GBP5: variants seen among roughly 807,000 people sequenced by gnomAD.
GBP5 encodes guanylate-binding protein 5.
In GBP5, 48 loss-of-function variants were observed where a neutral mutation model predicts 58.2. The ratio of observed to expected loss-of-function variants is 0.83; its 90% CI spans 0.65 to 1.05. GBP5 has a LOEUF of 1.05. Among genes scored for constraint, GBP5 ranks in the 50% least tolerant of loss-of-function variants. The probability of loss-of-function intolerance (pLI) is 0.00; values close to 1 mark genes in which losing one functional copy is unlikely to be tolerated. For missense variants in GBP5, 714 were observed against 686.8 expected, an observed-to-expected ratio of 1.04 and a Z score of -0.44; for synonymous variants, 248 against 251.8, an observed-to-expected ratio of 0.98 and a Z score of 0.14.
chr1:89,272,276 G>C (rs1489983931), intron 1 of GBP5, 176 bp downstream of exon 1: 1 of 152,202 alleles, frequency 6.6e-6, no homozygotes, highest in Non-Finnish European at 1.5e-5. Flanking sequence ...AATTCAGCAA[G>C]AGGCAGACAC....
intron 1 of GBP5, chr1:89,271,364 A>C (rs1258092881): frequency 6.6e-6 from 1 of 152,194 alleles, no homozygotes; most frequent in African/African-American, 2.4e-5. Flanking sequence ...CTTGTTTTCT[A>C]AAAAAGCAAA....
In GBP5 at chr1:89,267,693, A is replaced by G. The variant is rs368141048; in HGVS notation, c.319-167T>C. On this transcript the variant is annotated intron_variant, in intron 4 of 11. Transcript: ENST00000370459. ...AACATTGATAATTTTATACTCATCC[A>G]TATCTTATTAACTCACCAGTCCCTC... is the stretch of plus-strand genomic sequence containing the variant. Among the ~76,000 whole-genome samples, 12 of 152,336 alleles carry G rather than the reference A, an allele frequency of 7.9e-5. 1 individual carries two copies. Among genetic ancestry groups the G allele is most frequent in the Admixed American group, 2.0e-4 (3 of 15,304 alleles).
intron 7 of GBP5, 62 bp downstream of exon 7, chr1:89,266,284 T>C: frequency 7.2e-7 from 1 of 1,391,950 alleles, no homozygotes; most frequent in East Asian, 2.3e-5. Context: ...AGGATAATCT[T>C]ATAAAAAGTG....
At position 89,258,664 on chromosome 1, in the gene GBP5, G is replaced by A. The variant is rs1248007618; in HGVS notation, c.*2040C>T. 2.6e-5 allele frequency among the ~76,000 whole-genome samples: 4 copies of A among 151,830 alleles called. No individual in the cohort carries two copies. The highest frequency in any genetic ancestry group is 9.7e-5 in the African/African-American group (4 of 41,318). ...CTGTATATAAGTAAATCATATTTTG[G>A]GTGACTAAAAAAATTCAAGCTCCTA... On this transcript the variant is annotated 3_prime_UTR_variant, in exon 12 of 12. Coordinates refer to ENST00000370459, the MANE Select transcript of GBP5 (RefSeq NM_052942.5).
chr1:89,266,652 T>G (rs987455309), intron 6 of GBP5, 64 bp from the exon 7 acceptor site: 1 of 1,405,974 alleles, frequency 7.1e-7, no homozygotes, highest in Non-Finnish European at 9.8e-7. Context: ...TTATTTACCT[T>G]GAATAAATGT....
At position 89,269,566 on chromosome 1, in the gene GBP5, T is replaced by A. The variant is rs1650364662; in HGVS notation, c.-11A>T. On this transcript the variant is annotated 5_prime_UTR_variant, in exon 3 of 12. Transcript: ENST00000370459. ...GATCTCTAAAGCCATGTCTAGGATG[T>A]TACTTTGCCTGCAAGGGAACAGATG... is the stretch of plus-strand genomic sequence containing the variant. 1 of 1,602,310 alleles carries A rather than the reference T, an allele frequency of 6.2e-7. No individual in the cohort carries two copies. The highest frequency in any genetic ancestry group is 1.1e-5 in the South Asian group (1 of 90,692).
At chr1:89,266,693 A>G (rs1316732382) in intron 6 of GBP5, 105 bp from the exon 7 acceptor site, 1 of 1,119,972 alleles carries the variant, frequency 8.9e-7, no homozygotes, top group African/African-American at 1.6e-5. Flanking sequence ...AGATTAATAT[A>G]TCTTCATAAA....
rs986477766 is a variant in GBP5 at position 89,268,032 on chromosome 1, A to G, written c.319-506T>C. Among the ~76,000 whole-genome samples the G allele has an allele frequency of 2.0e-5, 3 of 152,190 alleles. No individual in the cohort carries two copies. The South Asian group carries it at 6.2e-4, about 31-fold the overall frequency. On this transcript the variant is annotated intron_variant, in intron 4 of 11. Transcript: ENST00000370459. ...AAAACACACACACAGAAAAAAAACA[A>G]TGGAAGTTCAAGAGAAAGATCCAGT...
rs188157736 is a variant in GBP5 at position 89,261,155 on chromosome 1, G to A, written c.1648-338C>T. Among the ~76,000 whole-genome samples, 704 of 152,308 alleles carry A rather than the reference G, an allele frequency of 4.6e-3. 2 individuals are homozygous for A. Among genetic ancestry groups the A allele is most frequent in the Non-Finnish European group, 8.2e-3 (557 of 68,034 alleles). On this transcript the variant is annotated intron_variant, in intron 11 of 11. Transcript: ENST00000370459. ...AGGAGACTCTCAGATATATTTCTAA[G>A]AGAAGAGGCTGATACAAAAACAGTG...
chr1:89,267,306 A>C (rs900478173), intron 5 of GBP5, 111 bp downstream of exon 5: 4 of 973,768 alleles, frequency 4.1e-6, no homozygotes, highest in Non-Finnish European at 6.3e-6. Flanking sequence ...TTGTACTTTC[A>C]ATGTTTATCA....
At chr1:89,260,861 T>C (rs769794116) in intron 11 of GBP5, 44 bp from the exon 12 acceptor site, 6 of 1,384,202 alleles carry the variant, frequency 4.3e-6, no homozygotes, top group East Asian at 2.3e-5. Context: ...TTCTTACTGA[T>C]TGCCTAAATC....
chr1:89,269,234 G>C (rs1266007526), intron 3 of GBP5, 132 bp downstream of exon 3: 3 of 864,770 alleles, frequency 3.5e-6, no homozygotes, highest in Non-Finnish European at 5.3e-6. Context: ...AAGATAAAAA[G>C]ACCAGCTGTA....
intron 9 of GBP5, 88 bp from the exon 10 acceptor site, chr1:89,262,873 T>C (rs903505709): frequency 1.2e-6 from 1 of 810,968 alleles, no homozygotes; most frequent in African/African-American, 1.8e-5. Flanking sequence ...TCCAGCAGCA[T>C]CTATTCCTCA....
chr1:89,257,322 T>C lies in GBP5; in HGVS notation c.*3382A>G, dbSNP rs1377073711. 6.6e-6 allele frequency among the ~76,000 whole-genome samples: 1 copy of C among 152,122 alleles called. No homozygotes were observed. The highest frequency in any genetic ancestry group is 2.4e-5 in the African/African-American group (1 of 41,422). ...CAGATCTCAGGCGACTTATTCACTATCATGAAAAAAGCACATGAAAACCCA... is the reference window on the plus strand; with the variant it reads ...CAGATCTCAGGCGACTTATTCACTACCATGAAAAAAGCACATGAAAACCCA... On this transcript the variant is annotated 3_prime_UTR_variant, in exon 12 of 12. Coordinates refer to ENST00000370459, the MANE Select transcript of GBP5 (RefSeq NM_052942.5).
chr1:89,268,875 GGTT>G lies in GBP5; in HGVS notation c.191-22_191-20del, dbSNP rs748782377. On this transcript the variant is annotated intron_variant, in intron 3 of 11. Coordinates refer to ENST00000370459, the MANE Select transcript of GBP5 (RefSeq NM_052942.5). ...GAGAAGCCTGTCAGGGGGAGTGAGA[GGTT>G]GTAATAGAAGAGAAACTCTGGAAAT... is the stretch of plus-strand genomic sequence containing the variant. 1 of 1,608,278 alleles carries G rather than the reference GGTT, an allele frequency of 6.2e-7. No individual in the cohort carries two copies. Among genetic ancestry groups the G allele is most frequent in the Non-Finnish European group, 8.5e-7 (1 of 1,177,748 alleles).
At position 89,263,784 on chromosome 1, in the gene GBP5, T is replaced by C. The variant is rs1222544873; in HGVS notation, c.1314A>G (p.Thr438=). The part of the protein sequence containing the change: ...PGGHNLFIQK[T]EELKAKYYRE... ...GATAGTACTTTGCCTTCAGTTCTTC[T>C]GTTTTCTGAATGAAGAGATTATGGC... The change falls in exon 9 of 12, where the codon ACA becomes ACG. Residue 438 remains threonine (T), a synonymous_variant. Coordinates refer to ENST00000370459, the MANE Select transcript of GBP5 (RefSeq NM_052942.5). 1 of 1,613,290 alleles carries C rather than the reference T, an allele frequency of 6.2e-7. No homozygotes were observed. Among genetic ancestry groups the C allele is most frequent in the Non-Finnish European group, 8.5e-7 (1 of 1,179,478 alleles).
At chr1:89,264,369 G>A (rs1471214064) in intron 8 of GBP5, among the ~76,000 whole-genome samples, 1 of 152,134 alleles carries the variant, frequency 6.6e-6, no homozygotes, top group Non-Finnish European at 1.5e-5. Context: ...GGATTAAACT[G>A]GTAATTCTAT....
At position 89,269,216 on chromosome 1, in the gene GBP5, T is replaced by C. The variant is rs899577044; in HGVS notation, c.190+150A>G. 5 of 762,348 alleles carry C rather than the reference T, an allele frequency of 6.6e-6. No homozygotes were observed. In the African/African-American group the frequency reaches 8.8e-5, roughly 13 times the overall value. The allele number at this position is 762,348 out of a possible 1,614,324, so 47.2% of individuals were successfully genotyped here. On this transcript the variant is annotated intron_variant, in intron 3 of 11. Transcript: ENST00000370459. Reference sequence around the variant, plus strand: ...GTCAGGAACAGAGAACTGGTCTTCATCTTCCAAAAGATAAAAAGACCAGCT... The same window carrying C: ...GTCAGGAACAGAGAACTGGTCTTCACCTTCCAAAAGATAAAAAGACCAGCT...
rs1226218425 is a variant in GBP5 at position 89,258,995 on chromosome 1, CAG to C, written c.*1707_*1708del. On this transcript the variant is annotated 3_prime_UTR_variant, in exon 12 of 12. Coordinates refer to ENST00000370459, the MANE Select transcript of GBP5 (RefSeq NM_052942.5). Reference sequence around the variant, plus strand: ...TTTTTATGGTTAAAATCTGTACAAACAGATATATTTATATAAGTTACATATTT... The same window carrying C: ...TTTTTATGGTTAAAATCTGTACAAACATATATTTATATAAGTTACATATTT... The C allele has an allele frequency of 1.3e-5, 2 of 152,004 alleles. No homozygotes were observed. Among genetic ancestry groups the C allele is most frequent in the African/African-American group, 2.4e-5 (1 of 41,392 alleles). 9.4% of individuals were successfully genotyped at this position (152,004 alleles called of 1,614,324 possible).
Sources: allele counts gnomAD v4.1 joint callset (sites outside exome capture counted in the v4.1 genomes callset), GRCh38; gene constraint gnomAD v4.1.1; transcripts MANE v1.5; gene names NCBI Gene and HGNC (gene_info 2026-07-23, HGNC 2026-07-21).